CXCR1: variants seen among roughly 807,000 people sequenced by gnomAD.
CXCR1 encodes C-X-C motif chemokine receptor 1.
For missense variants in CXCR1, 419 were observed against 440.5 expected (o/e 0.95, Z 0.44); for synonymous variants, 180 against 184.7 (o/e 0.97, Z 0.21).
Position 218,163,955 on chromosome 2 carries a change from G to C in CXCR1, c.*204C>G. Reference sequence around the variant, plus strand: ...TGCTTCGTTTCCATGGAGGTGCAAAGGCCGGTCCTTGGAGGTACCTCAACA... The same window carrying C: ...TGCTTCGTTTCCATGGAGGTGCAAACGCCGGTCCTTGGAGGTACCTCAACA... On this transcript the variant is annotated 3_prime_UTR_variant, in exon 2 of 2. Coordinates refer to ENST00000295683, the MANE Select transcript of CXCR1 (RefSeq NM_000634.3). 1.6e-6 allele frequency: 1 copy of C among 614,864 alleles called. No homozygotes were observed. Among genetic ancestry groups the C allele is most frequent in the Non-Finnish European group, 2.9e-6 (1 of 344,056 alleles). The allele number at this position is 614,864 out of a possible 1,614,324, so 38.1% of individuals were successfully genotyped here. A position where few individuals can be genotyped will look rare whatever the true frequency, so the allele number is the denominator to read the frequency against.
rs1207706661 is a variant in CXCR1, at chr2:218,164,860, C to T, written c.352G>A (p.Glu118Lys). Residue 118 changes from glutamate (E) to lysine (K), a missense_variant, in exon 2 of 2, where the codon GAA (glutamate) becomes AAA (lysine). Physicochemically the swap from Glu to Lys is moderately conservative, Grantham distance 56. Transcript: ENST00000295683. ...AGGATGCCACTGTAGAAGTTGACTT[C>T]CTTCAGGAGTGAGACCACCTTGCAC... ...FLCKVVSLLK[E>K]VNFYSGILLL... 1.2e-6 allele frequency: 2 copies of T among 1,614,104 alleles called. No homozygotes were observed. Among genetic ancestry groups the T allele is most frequent in the Non-Finnish European group, 1.7e-6 (2 of 1,180,046 alleles).
In CXCR1 at chr2:218,163,134, A is replaced by G. The variant is rs964209834; in HGVS notation, c.*1025T>C. On this transcript the variant is annotated 3_prime_UTR_variant, in exon 2 of 2. Coordinates refer to ENST00000295683, the MANE Select transcript of CXCR1 (RefSeq NM_000634.3). The stretch of plus-strand genomic sequence containing the variant: ...AAAGGGATCTTCCTTGGCCAGGGGT[A>G]TGGGCATGAACAGGAGTTTCTGTGC... 2.0e-5 allele frequency: 3 copies of G among 152,432 alleles called. No homozygotes were observed. Among genetic ancestry groups the G allele is most frequent in the African/African-American group, 7.2e-5 (3 of 41,464 alleles). 9.4% of individuals were successfully genotyped at this position (152,432 alleles called of 1,614,324 possible).
At chr2:218,166,017 T>C (rs1574554419) in intron 1 of CXCR1, among the ~76,000 whole-genome samples, 1 of 151,968 alleles carries the variant, frequency 6.6e-6, no homozygotes, top group Non-Finnish European at 1.5e-5. Flanking sequence ...TGGGGCAGAG[T>C]GTGCTAATCT....
chr2:218,164,779 T>G lies in CXCR1; in HGVS notation c.433A>C (p.Thr145Pro). 6.2e-7 allele frequency: 1 copy of G among 1,614,226 alleles called. No individual in the cohort carries two copies. Among genetic ancestry groups the G allele is most frequent in the Non-Finnish European group, 8.5e-7 (1 of 1,180,040 alleles). ...ACCAAGTGACGCTTCTGGGTCAGTG[T>G]GCGTGTGGCATGGACAATGGCCAGG... ...RYLAIVHATR[T>P]LTQKRHLVKF... The change falls in exon 2 of 2, where the codon ACA (threonine) becomes CCA (proline). Residue 145 changes from threonine to proline, a missense_variant. Coordinates refer to ENST00000295683, the MANE Select transcript of CXCR1 (RefSeq NM_000634.3).
chr2:218,165,777 T>C (rs1691274902), intron 1 of CXCR1, among the ~76,000 whole-genome samples: 2 of 152,240 alleles, frequency 1.3e-5, no homozygotes, highest in South Asian at 4.1e-4. Context: ...AAACTGTATA[T>C]TTTAAGCCTT....
At chr2:218,165,799 G>A (rs1245819332) in intron 1 of CXCR1, among the ~76,000 whole-genome samples, 2 of 152,120 alleles carry the variant, frequency 1.3e-5, no homozygotes, top group Non-Finnish European at 2.9e-5. Flanking sequence ...TTTAAATGAG[G>A]AGCACATATT....
In CXCR1 at chr2:218,164,038, C is replaced by G. The variant is rs1691233861; in HGVS notation, c.*121G>C. 2.4e-5 allele frequency: 29 copies of G among 1,231,536 alleles called. No individual in the cohort carries two copies. Among genetic ancestry groups the G allele is most frequent in the Non-Finnish European group, 3.4e-5 (29 of 863,904 alleles). The allele number at this position is 1,231,536 out of a possible 1,614,324, so 76.3% of individuals were successfully genotyped here. ...CACCAGTTCCTAACTTCCCCACATC[C>G]TATAGCGTCCCCCCAAAACCCAGAT... On this transcript the variant is annotated 3_prime_UTR_variant, in exon 2 of 2. Transcript: ENST00000295683.
At position 218,164,881 on chromosome 2, in the gene CXCR1, T is replaced by C. The variant is rs1264878008; in HGVS notation, c.331A>G (p.Lys111Glu). ...ACTTCCTTCAGGAGTGAGACCACCTTGCACAGGAATGTGCCAAAAATCCAG... is the reference window on the plus strand; with the variant it reads ...ACTTCCTTCAGGAGTGAGACCACCTCGCACAGGAATGTGCCAAAAATCCAG... ...NGWIFGTFLCKVVSLLKEVNF... is the reference protein window; with the variant it reads ...NGWIFGTFLCEVVSLLKEVNF... The change falls in exon 2 of 2, where the codon AAG (lysine) becomes GAG (glutamate). Residue 111 changes from lysine (K) to glutamate (E), a missense_variant. By Grantham distance (56) the Lys-to-Glu change is moderately conservative (BLOSUM62 1). Coordinates refer to ENST00000295683, the MANE Select transcript of CXCR1 (RefSeq NM_000634.3). 3.1e-6 allele frequency: 5 copies of C among 1,614,154 alleles called. No individual in the cohort carries two copies. The highest frequency in any genetic ancestry group is 4.2e-6 in the Non-Finnish European group (5 of 1,180,046).
In CXCR1 at chr2:218,164,707, G is replaced by A. The variant is rs770083352; in HGVS notation, c.505C>T (p.Leu169=). 6.2e-7 allele frequency: 1 copy of A among 1,614,118 alleles called. No individual in the cohort carries two copies. Among genetic ancestry groups the A allele is most frequent in the African/African-American group, 1.3e-5 (1 of 74,946 alleles). ...GCWGLSMNLS[L]PFFLFRQAYH... ...GCCTGGCGGAAAAGGAAGAAGGGCA[G>A]GGACAGATTCATAGACAGTCCCCAG... is the stretch of plus-strand genomic sequence containing the variant. The change falls in exon 2 of 2, where the codon CTG becomes TTG. Residue 169 remains leucine, a synonymous_variant. Transcript: ENST00000295683.
In CXCR1 at chr2:218,165,144, G is replaced by C. The variant is rs1270214327; in HGVS notation, c.68C>G (p.Ala23Gly). Residue 23 changes from alanine to glycine, a missense_variant, in exon 2 of 2, where the codon GCA becomes GGA. Physicochemically the swap from Ala to Gly is moderately conservative, Grantham distance 60 (BLOSUM62 0). Transcript: ENST00000295683. ...DDLNFTGMPP[A>G]DEDYSPCMLE... ...CATACAGGGGCTGTAATCTTCATCT[G>C]CAGGTGGCATGCCAGTGAAATTTAG... is the stretch of plus-strand genomic sequence containing the variant. 1.9e-6 allele frequency: 3 copies of C among 1,614,210 alleles called. No homozygotes were observed. Among genetic ancestry groups the C allele is most frequent in the South Asian group, 2.2e-5 (2 of 91,084 alleles).
chr2:218,164,352 A>G lies in CXCR1; in HGVS notation c.860T>C (p.Leu287Pro). Residue 287 changes from leucine to proline, a missense_variant, in exon 2 of 2, where the codon CTG becomes CCG. Physicochemically the swap from Leu to Pro is moderately conservative, Grantham distance 98 (BLOSUM62 -3). Coordinates refer to ENST00000295683, the MANE Select transcript of CXCR1 (RefSeq NM_000634.3). The part of the protein sequence containing the change: ...CERRNNIGRA[L>P]DATEILGFLH... ...AAATCCCAGAATCTCAGTGGCATCC[A>G]GGGCCCGGCCGATGTTGTTGCGGCG... 6.2e-7 allele frequency: 1 copy of G among 1,612,678 alleles called. No homozygotes were observed. The highest frequency in any genetic ancestry group is 8.5e-7 in the Non-Finnish European group (1 of 1,178,814).
Position 218,164,774 on chromosome 2 carries a change from C to T in CXCR1, c.438G>A (p.Leu146=), listed in dbSNP as rs781769062. Residue 146 remains leucine (L), a synonymous_variant, in exon 2 of 2, where the codon CTG becomes CTA. Coordinates refer to ENST00000295683, the MANE Select transcript of CXCR1 (RefSeq NM_000634.3). ...ACTTGACCAAGTGACGCTTCTGGGT[C>T]AGTGTGCGTGTGGCATGGACAATGG... ...YLAIVHATRT[L]TQKRHLVKFV... is the part of the protein sequence containing the mutation. 3.1e-6 allele frequency: 5 copies of T among 1,614,124 alleles called. No individual in the cohort carries two copies. Among genetic ancestry groups the T allele is most frequent in the Non-Finnish European group, 4.2e-6 (5 of 1,180,052 alleles).
rs16858801 is a variant in CXCR1 at position 218,163,866 on chromosome 2, A to G, written c.*293T>C. On this transcript the variant is annotated 3_prime_UTR_variant, in exon 2 of 2. Coordinates refer to ENST00000295683, the MANE Select transcript of CXCR1 (RefSeq NM_000634.3). The stretch of plus-strand genomic sequence containing the variant: ...TCATCTAATGTCAGATTCGGGGCTC[A>G]GATGTGGCCATGCTAATTAGCCAGT... The G allele has an allele frequency of 0.017, 6,892 of 404,278 alleles. 268 individuals are homozygous for G. The highest frequency in any genetic ancestry group is 0.097 in the African/African-American group (4,765 of 49,296). 25.0% of individuals were successfully genotyped at this position (404,278 alleles called of 1,614,324 possible).
Position 218,164,398 on chromosome 2 carries a change from C to T in CXCR1, c.814G>A (p.Val272Met), listed in dbSNP as rs1163619661. The change falls in exon 2 of 2, where the codon GTG becomes ATG. Residue 272 changes from valine (V) to methionine (M), a missense_variant. Physicochemically the swap from Val to Met is conservative, Grantham distance 21. Transcript: ENST00000295683. The stretch of plus-strand genomic sequence containing the variant: ...CGGCGCTCACAGCTCTCCTGGATCA[C>T]CTGGGTCCTCATGAGGGTGTCTGCC... ...LLADTLMRTQVIQESCERRNN... is the reference protein window; with the variant it reads ...LLADTLMRTQMIQESCERRNN... 2.5e-6 allele frequency: 4 copies of T among 1,614,116 alleles called. No homozygotes were observed. Among genetic ancestry groups the T allele is most frequent in the Non-Finnish European group, 3.4e-6 (4 of 1,180,012 alleles).
In CXCR1 at chr2:218,165,021, A is replaced by G. The variant is rs1380599123; in HGVS notation, c.191T>C (p.Ile64Thr). Residue 64 changes from isoleucine to threonine, a missense_variant, in exon 2 of 2, where the codon ATC becomes ACC. Coordinates refer to ENST00000295683, the MANE Select transcript of CXCR1 (RefSeq NM_000634.3). ...LLGNSLVMLVILYSRVGRSVT... is the reference protein window; with the variant it reads ...LLGNSLVMLVTLYSRVGRSVT... ...GGAGCGGCCGACCCTGCTGTATAAGATGACCAGCATCACCAGGGAGTTTCC... is the reference window on the plus strand; with the variant it reads ...GGAGCGGCCGACCCTGCTGTATAAGGTGACCAGCATCACCAGGGAGTTTCC... 6.2e-7 allele frequency: 1 copy of G among 1,614,106 alleles called. No homozygotes were observed. The highest frequency in any genetic ancestry group is 8.5e-7 in the Non-Finnish European group (1 of 1,180,046).
intron 1 of CXCR1, 114 bp from the exon 2 acceptor site, chr2:218,165,358 T>C (rs954324862): frequency 7.4e-6 from 6 of 808,660 alleles, no homozygotes; most frequent in East Asian, 5.2e-5. Context: ...GGTTTGGCAA[T>C]GAGAGCTCTC....
Position 218,164,208 on chromosome 2 carries a change from C to T in CXCR1, c.1004G>A (p.Arg335His), listed in dbSNP as rs751280061. The T allele has an allele frequency of 5.0e-5, 81 of 1,614,012 alleles. No homozygotes were observed. The highest frequency in any genetic ancestry group is 3.6e-4 in the East Asian group (16 of 44,894). ...LVSKEFLARHRVTSYTSSSVN... is the reference protein window; with the variant it reads ...LVSKEFLARHHVTSYTSSSVN... The stretch of plus-strand genomic sequence containing the variant: ...AGACGAAGAAGTGTAGGAGGTAACA[C>T]GATGACGTGCCAAGAACTCCTTGCT... Residue 335 changes from arginine to histidine, a missense_variant, in exon 2 of 2, where the codon CGT becomes CAT. Transcript: ENST00000295683.
At chr2:218,166,030 G>A (rs190769853) in intron 1 of CXCR1, among the ~76,000 whole-genome samples, 7 of 152,210 alleles carry the variant, frequency 4.6e-5, no homozygotes, top group South Asian at 2.1e-4. Flanking sequence ...GCTAATCTCC[G>A]AACCCAGATG....
chr2:218,165,361 G>A (rs1691266240), intron 1 of CXCR1, 117 bp from the exon 2 acceptor site: 12 of 787,542 alleles, frequency 1.5e-5, no homozygotes, highest in Non-Finnish European at 2.5e-5. Context: ...TTGGCAATGA[G>A]AGCTCTCCTT....
Sources: gnomAD v4.1 joint callset for allele counts (sites outside exome capture counted in the v4.1 genomes callset) on GRCh38, gnomAD v4.1.1 for gene constraint, MANE v1.5 for transcripts, NCBI Gene and HGNC (gene_info 2026-07-23, HGNC 2026-07-21) for gene names.